Variants in TENM3 observed in about 807,000 individuals in gnomAD.
TENM3 encodes the protein teneurin-3.
A neutral mutation model predicts 255.1 loss-of-function variants in TENM3; 63 were observed. The observed-to-expected ratio is 0.25, with a 90% CI of 0.20 to 0.30. TENM3 has a LOEUF of 0.30. Among genes scored for constraint, TENM3 ranks in the 10% least tolerant of loss-of-function variants. The pLI is 1.00. For synonymous variants in TENM3, 1,306 were observed against 1,322.3 expected (o/e 0.99, Z 0.27); for missense variants, 2,929 against 3,461.1 (o/e 0.85, Z 3.86).
the TENM3 span, among the ~76,000 whole-genome samples, chr4:181,855,981 AGGAAAGAAGGAG>A: frequency 6.9e-6 from 1 of 145,320 alleles, no homozygotes; most frequent in Admixed American, 6.9e-5. Flanking sequence ...GAAAAGAGGG[AGGAAAGAAGGAG>A]GGAAGGAAGG....
the TENM3 span, among the ~76,000 whole-genome samples, chr4:181,908,675 G>A: frequency 6.6e-6 from 1 of 152,140 alleles, no homozygotes; most frequent in Non-Finnish European, 1.5e-5. Context: ...CTGTCATTAT[G>A]TAAAATTTTT....
chr4:182,736,963 A>G lies in TENM3; in HGVS notation c.3123A>G (p.Val1041=). 1 of 1,613,928 alleles carries G rather than the reference A, an allele frequency of 6.2e-7. No homozygotes were observed. Among genetic ancestry groups the G allele is most frequent in the South Asian group, 1.1e-5 (1 of 91,074 alleles). The part of the protein sequence containing the change: ...LMKVHLMVAV[V]GRLFQKWFPA... ...AGGTTCATCTTATGGTAGCTGTAGT[A>G]GGAAGACTCTTCCAAAAGTGGTTTC... is the stretch of plus-strand genomic sequence containing the variant. The change falls in exon 17 of 28, where the codon GTA becomes GTG. Residue 1041 remains valine (V), a synonymous_variant. Coordinates refer to ENST00000511685, the MANE Select transcript of TENM3 (RefSeq NM_001080477.4).
At chr4:182,185,517 C>G (rs987136359) in intron 1 of TENM3, among the ~76,000 whole-genome samples, 2 of 152,220 alleles carry the variant, frequency 1.3e-5, no homozygotes, top group African/African-American at 4.8e-5. Flanking sequence ...TTCATTCTTA[C>G]CTAGACAACA....
At chr4:182,738,650 C>T in intron 18 of TENM3, 106 bp downstream of exon 18, 1 of 886,360 alleles carries the variant, frequency 1.1e-6, no homozygotes, top group South Asian at 3.0e-5. Flanking sequence ...TTATGCTATC[C>T]ATGCTGTAGG....
chr4:181,922,325 G>T, the TENM3 span, among the ~76,000 whole-genome samples: 168 of 152,288 alleles, frequency 1.1e-3, no homozygotes, highest in African/African-American at 3.9e-3. Flanking sequence ...ATTCCTCCTT[G>T]TACCTCTGGT....
intron 3 of TENM3, among the ~76,000 whole-genome samples, chr4:182,373,754 C>G (rs1321871744): frequency 6.6e-6 from 1 of 152,188 alleles, no homozygotes; most frequent in African/African-American, 2.4e-5. Context: ...GGCATAATTT[C>G]TTGCCTGTTC....
At chr4:182,527,896 T>G (rs1560876933) in intron 3 of TENM3, among the ~76,000 whole-genome samples, 3 of 151,898 alleles carry the variant, frequency 2.0e-5, no homozygotes, top group Non-Finnish European at 4.4e-5. Context: ...CCCGGCTAAT[T>G]TTTGTATTTT....
At chr4:181,594,950 T>G in the TENM3 span, among the ~76,000 whole-genome samples, 1 of 152,074 alleles carries the variant, frequency 6.6e-6, no homozygotes, top group Non-Finnish European at 1.5e-5. Context: ...TCTTTGTTTA[T>G]GGTAGAATTT....
chr4:182,531,500 G>T (rs917377836), intron 3 of TENM3, among the ~76,000 whole-genome samples: 7 of 152,280 alleles, frequency 4.6e-5, no homozygotes, highest in African/African-American at 1.4e-4. Context: ...CCCCAGGCTA[G>T]ATGATTTGCT....
the TENM3 span, among the ~76,000 whole-genome samples, chr4:181,956,445 A>G: frequency 1.3e-5 from 2 of 152,314 alleles, no homozygotes; most frequent in African/African-American, 4.8e-5. Context: ...TTTATAATGT[A>G]TGTTCCATGA....
the TENM3 span, among the ~76,000 whole-genome samples, chr4:181,692,309 G>C: frequency 1.3e-5 from 2 of 152,138 alleles, no homozygotes; most frequent in South Asian, 4.1e-4. Context: ...TCACTGTGTT[G>C]TCTTACACTC....
chr4:181,567,108 G>C, the TENM3 span, among the ~76,000 whole-genome samples: 1 of 152,152 alleles, frequency 6.6e-6, no homozygotes, highest in Admixed American at 6.5e-5. Context: ...ACCATACTCT[G>C]ATCAATAAGA....
At chr4:182,487,649 G>C (rs181442373) in intron 3 of TENM3, among the ~76,000 whole-genome samples, 1 of 152,012 alleles carries the variant, frequency 6.6e-6, no homozygotes, top group African/African-American at 2.4e-5. Flanking sequence ...CCCTTTTAAC[G>C]CTAAGCATGC....
chr4:181,547,214 A>C, the TENM3 span, among the ~76,000 whole-genome samples: 1 of 152,212 alleles, frequency 6.6e-6, no homozygotes, highest in Admixed American at 6.5e-5. Flanking sequence ...ACCATAATTA[A>C]TATCTTCAGA....
the TENM3 span, among the ~76,000 whole-genome samples, chr4:181,557,437 G>A: frequency 2.6e-5 from 4 of 152,228 alleles, no homozygotes; most frequent in East Asian, 7.7e-4. Flanking sequence ...GAAACCACAT[G>A]TTGAAAATAT....
At chr4:182,346,318 T>C (rs1764802644) in intron 2 of TENM3, among the ~76,000 whole-genome samples, 1 of 152,104 alleles carries the variant, frequency 6.6e-6, no homozygotes, top group Non-Finnish European at 1.5e-5. Flanking sequence ...GCCTCACAAG[T>C]CTGCTAAACA....
the TENM3 span, among the ~76,000 whole-genome samples, chr4:181,782,583 T>C: frequency 6.6e-6 from 1 of 150,914 alleles, no homozygotes; most frequent in Admixed American, 6.6e-5. Context: ...CCTGGATACA[T>C]TGATTTTTTT....
intron 19 of TENM3, among the ~76,000 whole-genome samples, chr4:182,747,233 T>C (rs890596285): frequency 6.6e-6 from 1 of 152,192 alleles, no homozygotes; most frequent in South Asian, 2.1e-4. Flanking sequence ...CTATATTTCA[T>C]ATACTGTAAA....
chr4:181,595,038 C>G, the TENM3 span, among the ~76,000 whole-genome samples: 1 of 152,116 alleles, frequency 6.6e-6, no homozygotes, highest in Non-Finnish European at 1.5e-5. Context: ...ATTATATTCT[C>G]TTTTCTGAAC....
Sources: gnomAD v4.1 joint callset for allele counts (sites outside exome capture counted in the v4.1 genomes callset) on GRCh38, gnomAD v4.1.1 for gene constraint, MANE v1.5 for transcripts, NCBI Gene and HGNC (gene_info 2026-07-23, HGNC 2026-07-21) for gene names.